The following SH2D4A variants were observed in gnomAD, a reference collection of about 807,000 sequenced individuals.
The protein encoded by SH2D4A is SH2 domain containing 4A, also known as SH2 domain-containing protein 4A.
Under a neutral mutation model 64.7 loss-of-function variants are expected in SH2D4A, and 70 were observed. The observed-to-expected ratio is 1.08, with a 90% CI of 0.89 to 1.32. The LOEUF is 1.32. Among genes scored for constraint, SH2D4A ranks in the 40% most tolerant of loss-of-function variants. The pLI, the probability that SH2D4A is intolerant of heterozygous loss-of-function variation, is 0.00. For synonymous variants in SH2D4A, 268 were observed against 200.7 expected, an observed-to-expected ratio of 1.34 and a Z score of -2.83; for missense variants, 706 against 540.1, an observed-to-expected ratio of 1.31 and a Z score of -3.04.
chr8:19,386,573 C>T (rs1309965652), intron 8 of SH2D4A, among the ~76,000 whole-genome samples: 1 of 152,110 alleles, frequency 6.6e-6, no homozygotes, highest in Non-Finnish European at 1.5e-5. Context: ...AGGACTGGAC[C>T]CTTGTAGTTC....
At chr8:19,381,177 G>A (rs1450998608) in intron 8 of SH2D4A, among the ~76,000 whole-genome samples, 1 of 151,960 alleles carries the variant, frequency 6.6e-6, no homozygotes, top group Non-Finnish European at 1.5e-5. Context: ...AGCCTCCTGA[G>A]TAGCTGGAAT....
chr8:19,334,447 T>G (rs939057754), intron 3 of SH2D4A, among the ~76,000 whole-genome samples: 4 of 152,116 alleles, frequency 2.6e-5, no homozygotes, highest in African/African-American at 9.7e-5. Flanking sequence ...TTGGATGAAT[T>G]ACAAAATTTC....
intron 8 of SH2D4A, among the ~76,000 whole-genome samples, chr8:19,378,833 C>T (rs540784281): frequency 1.6e-4 from 24 of 151,188 alleles, no homozygotes; most frequent in Non-Finnish European, 3.1e-4. Context: ...ATCCTTTGAG[C>T]CCAGGAGTTT....
At chr8:19,392,124 A>C (rs2053502922) in intron 8 of SH2D4A, among the ~76,000 whole-genome samples, 1 of 152,200 alleles carries the variant, frequency 6.6e-6, no homozygotes. Context: ...AGACCTCATG[A>C]GTTTGGACTA....
intron 3 of SH2D4A, 28 bp from the exon 4 acceptor site, chr8:19,334,658 T>C: frequency 6.4e-7 from 1 of 1,567,610 alleles, no homozygotes; most frequent in African/African-American, 1.4e-5. Context: ...GAATGTTTTT[T>C]GAGAATTTCA....
chr8:19,394,205 T>G (rs1470946498), intron 9 of SH2D4A, among the ~76,000 whole-genome samples: 1 of 152,138 alleles, frequency 6.6e-6, no homozygotes, highest in Non-Finnish European at 1.5e-5. Flanking sequence ...GGCGATAATG[T>G]GAATGACAGG....
intron 4 of SH2D4A, among the ~76,000 whole-genome samples, chr8:19,351,620 A>C (rs1199025286): frequency 6.6e-6 from 1 of 152,002 alleles, no homozygotes; most frequent in Admixed American, 6.6e-5. Flanking sequence ...AAAACAAAAA[A>C]AAACAAAAAC....
intron 8 of SH2D4A, among the ~76,000 whole-genome samples, chr8:19,378,417 A>C (rs1368910226): frequency 2.0e-5 from 3 of 152,038 alleles, no homozygotes; most frequent in Non-Finnish European, 4.4e-5. Context: ...ACAAATTACC[A>C]CCTTCACAGT....
At chr8:19,388,329 G>A (rs1186655491) in intron 8 of SH2D4A, among the ~76,000 whole-genome samples, 1 of 152,144 alleles carries the variant, frequency 6.6e-6, no homozygotes, top group East Asian at 1.9e-4. Flanking sequence ...GCTTTTTAGA[G>A]GAAGCAACTC....
At chr8:19,345,395 A>G (rs764896919) in intron 4 of SH2D4A, among the ~76,000 whole-genome samples, 7 of 152,228 alleles carry the variant, frequency 4.6e-5, no homozygotes, top group Non-Finnish European at 7.3e-5. Flanking sequence ...TCTTATCACT[A>G]CTAGCTGTCA....
intron 8 of SH2D4A, among the ~76,000 whole-genome samples, chr8:19,382,466 T>C (rs1332152697): frequency 6.6e-6 from 1 of 152,196 alleles, no homozygotes; most frequent in African/African-American, 2.4e-5. Context: ...TCACTTTCAA[T>C]ACAATATTCA....
At chr8:19,315,844 A>G (rs1368597565) in intron 1 of SH2D4A, among the ~76,000 whole-genome samples, 1 of 152,102 alleles carries the variant, frequency 6.6e-6, no homozygotes, top group African/African-American at 2.4e-5. Flanking sequence ...TATTTCTTCT[A>G]CCCTGGCTCC....
At chr8:19,362,175 G>A (rs1023183970) in intron 6 of SH2D4A, among the ~76,000 whole-genome samples, 7 of 152,166 alleles carry the variant, frequency 4.6e-5, no homozygotes, top group Admixed American at 3.9e-4. Context: ...TACAACCAAT[G>A]CCATTTAAAT....
At position 19,395,060 on chromosome 8, in the gene SH2D4A, G is replaced by GTTGGCT. The variant is rs1310826282; in HGVS notation, c.*423_*428dup. On this transcript the variant is annotated 3_prime_UTR_variant, in exon 10 of 10. Coordinates refer to ENST00000265807, the MANE Select transcript of SH2D4A (RefSeq NM_022071.4). Reference sequence around the variant, plus strand: ...TTGACATGAAGTTTCGAAGTTTCATGTTGGCTTTGGAATGGTAGCAAAAGC... The same window carrying GTTGGCT: ...TTGACATGAAGTTTCGAAGTTTCATGTTGGCTTTGGCTTTGGAATGGTAGCAAAAGC... The GTTGGCT allele has an allele frequency of 6.5e-6, 1 of 152,836 alleles. No individual in the cohort carries two copies. Among genetic ancestry groups the GTTGGCT allele is most frequent in the Non-Finnish European group, 1.5e-5 (1 of 68,506 alleles). 9.5% of individuals were successfully genotyped at this position (152,836 alleles called of 1,614,324 possible).
chr8:19,375,121 T>C (rs984420559), intron 8 of SH2D4A: 1 of 152,198 alleles, frequency 6.6e-6, no homozygotes, highest in Non-Finnish European at 1.5e-5. Context: ...AAAATATGAC[T>C]CTTGAGTTTT....
chr8:19,391,984 A>G (rs2053500817), intron 8 of SH2D4A, among the ~76,000 whole-genome samples: 1 of 152,208 alleles, frequency 6.6e-6, no homozygotes, highest in South Asian at 2.1e-4. Context: ...CCTCCCTCCC[A>G]GATCTCAGCT....
chr8:19,333,169 C>T (rs900726646), intron 3 of SH2D4A, 55 bp downstream of exon 3: 7 of 1,545,184 alleles, frequency 4.5e-6, no homozygotes, highest in African/African-American at 1.4e-5. Context: ...CTTTAGAAAA[C>T]ATTGCAAACA....
chr8:19,333,729 C>G (rs2052399050), intron 3 of SH2D4A, among the ~76,000 whole-genome samples: 1 of 152,106 alleles, frequency 6.6e-6, no homozygotes, highest in African/African-American at 2.4e-5. Context: ...AATTAAGGTA[C>G]AAACAGAAAG....
Position 19,332,943 on chromosome 8 carries a change from G to T in SH2D4A, c.182-12G>T, listed in dbSNP as rs763898174. On this transcript the variant is annotated splice_polypyrimidine_tract_variant and intron_variant, in intron 2 of 9. Transcript: ENST00000265807. ...TTCAATCTGAATTTTTTGTTTGTGT[G>T]TTTGTTTGCAGAGAATGGCAAATCG... is the stretch of plus-strand genomic sequence containing the variant. 2 of 1,605,986 alleles carry T rather than the reference G, an allele frequency of 1.2e-6. No homozygotes were observed. The highest frequency in any genetic ancestry group is 1.7e-6 in the Non-Finnish European group (2 of 1,178,012).
Sources: allele counts gnomAD v4.1 joint callset (sites outside exome capture counted in the v4.1 genomes callset), GRCh38; gene constraint gnomAD v4.1.1; transcripts MANE v1.5; gene names NCBI Gene and HGNC (gene_info 2026-07-23, HGNC 2026-07-21).